Variants in BCAS4 observed in about 807,000 individuals in gnomAD.
The protein encoded by BCAS4 is breast carcinoma amplified sequence 4.
A neutral mutation model predicts 15.7 loss-of-function variants in BCAS4; 9 were observed. That is an observed-to-expected ratio of 0.57 (90% CI 0.34 to 1.00). BCAS4 has a LOEUF of 1.00. Ranked by LOEUF, BCAS4 falls within the 50% of genes least tolerant of loss-of-function variation. The pLI is 0.02. For missense variants in BCAS4, 225 were observed against 239.1 expected, an observed-to-expected ratio of 0.94 and a Z score of 0.39; for synonymous variants, 101 against 99.5, an observed-to-expected ratio of 1.02 and a Z score of -0.09.
At chr20:50,871,064 G>A (rs892668877) in intron 4 of BCAS4, among the ~76,000 whole-genome samples, 1 of 152,230 alleles carries the variant, frequency 6.6e-6, no homozygotes, top group South Asian at 2.1e-4. Context: ...ATTCCCAGCC[G>A]GAGGGCGAGA....
At chr20:50,842,298 G>T (rs922902534) in intron 4 of BCAS4, among the ~76,000 whole-genome samples, 5 of 152,204 alleles carry the variant, frequency 3.3e-5, no homozygotes, top group African/African-American at 1.2e-4. Context: ...GGGGAAGGGG[G>T]ACGGGCGTCC....
chr20:50,846,016 A>C (rs1370446234), intron 4 of BCAS4, among the ~76,000 whole-genome samples: 2 of 152,146 alleles, frequency 1.3e-5, no homozygotes, highest in Non-Finnish European at 2.9e-5. Flanking sequence ...TTCCGACTGG[A>C]TCCTGGCCTC....
chr20:50,871,270 C>T lies in BCAS4; in HGVS notation c.400-5216C>T, dbSNP rs550399921. On this transcript the variant is annotated intron_variant, in intron 4 of 4. Transcript: ENST00000371608. ...GGACCCCTGAGACATAGCGACTCCT[C>T]CCTTGCAGGCTGCCATGATAGTCCA... Among the ~76,000 whole-genome samples the T allele has an allele frequency of 4.3e-3, 660 of 152,342 alleles. 6 individuals carry two copies. Among genetic ancestry groups the T allele is most frequent in the African/African-American group, 0.01 (434 of 41,580 alleles).
chr20:50,875,342 C>T (rs543110119), intron 4 of BCAS4, among the ~76,000 whole-genome samples: 1 of 152,376 alleles, frequency 6.6e-6, no homozygotes, highest in South Asian at 2.1e-4. Flanking sequence ...CTCCCCTTCT[C>T]CGCCTCCCTC....
At chr20:50,866,635 G>A (rs1979372493) in intron 4 of BCAS4, among the ~76,000 whole-genome samples, 1 of 152,226 alleles carries the variant, frequency 6.6e-6, no homozygotes, top group South Asian at 2.1e-4. Context: ...GCCAGATCAG[G>A]CAACCCCTGA....
chr20:50,824,536 T>C (rs1268006628), intron 2 of BCAS4, among the ~76,000 whole-genome samples: 1 of 152,216 alleles, frequency 6.6e-6, no homozygotes, highest in Non-Finnish European at 1.5e-5. Context: ...GCTTTTTCAC[T>C]GAAATCTGTT....
At chr20:50,832,291 T>C (rs2088352998) in intron 3 of BCAS4, among the ~76,000 whole-genome samples, 1 of 151,692 alleles carries the variant, frequency 6.6e-6, no homozygotes, top group African/African-American at 2.4e-5. Context: ...GGAGTCTTGC[T>C]CTGTCCCCCA....
chr20:50,847,771 G>A (rs7262856), intron 4 of BCAS4, among the ~76,000 whole-genome samples: 2,440 of 152,204 alleles, frequency 0.016, 61 homozygotes, highest in African/African-American at 0.055. Context: ...GGTGGGACAC[G>A]GTGGCTCACG....
chr20:50,795,308 T>G, intron 1 of BCAS4, 135 bp downstream of exon 1: 1 of 816,088 alleles, frequency 1.2e-6, no homozygotes. Flanking sequence ...TCCTGAAGGG[T>G]GGCTGCGGGG....
At chr20:50,842,542 C>T (rs556261759) in intron 4 of BCAS4, among the ~76,000 whole-genome samples, 2 of 152,232 alleles carry the variant, frequency 1.3e-5, no homozygotes, top group South Asian at 4.1e-4. Flanking sequence ...CTCAGCCTCC[C>T]AGGTAGCTGG....
chr20:50,882,298 T>C, the BCAS4 span: 1 of 152,230 alleles, frequency 6.6e-6, no homozygotes, highest in East Asian at 1.9e-4. Context: ...GGTTAGTCAC[T>C]GCACAGTGAG....
In BCAS4 at chr20:50,854,442, C is replaced by T. The variant is rs186301214; in HGVS notation, c.399+12542C>T. ...TGAGTATTCACGTGAGGCAGGCACCCGGACGCTCTGCGCTGACCTCATTAC... is the reference window on the plus strand; with the variant it reads ...TGAGTATTCACGTGAGGCAGGCACCTGGACGCTCTGCGCTGACCTCATTAC... On this transcript the variant is annotated intron_variant, in intron 4 of 4. Transcript: ENST00000371608. 1.6e-3 allele frequency among the ~76,000 whole-genome samples: 246 copies of T among 152,180 alleles called. 1 individual carries two copies. The highest frequency in any genetic ancestry group is 5.4e-3 in the African/African-American group (226 of 41,498).
chr20:50,800,001 T>A (rs547059042), intron 1 of BCAS4, among the ~76,000 whole-genome samples: 1 of 152,150 alleles, frequency 6.6e-6, no homozygotes, highest in Non-Finnish European at 1.5e-5. Context: ...TGAGCTGAGA[T>A]CGCATCACTG....
At chr20:50,855,530 T>G (rs2123828076) in intron 4 of BCAS4, among the ~76,000 whole-genome samples, 1 of 152,006 alleles carries the variant, frequency 6.6e-6, no homozygotes, top group Admixed American at 6.5e-5. Flanking sequence ...CACCTGCATC[T>G]CTGGCTCCTC....
chr20:50,833,125 G>A (rs970244926), intron 3 of BCAS4: 8 of 152,512 alleles, frequency 5.2e-5, no homozygotes, highest in African/African-American at 1.7e-4. Context: ...TGGGAACCGT[G>A]TTAGGTGGGT....
At chr20:50,824,208 C>T (rs967478221) in intron 2 of BCAS4, among the ~76,000 whole-genome samples, 3 of 152,196 alleles carry the variant, frequency 2.0e-5, no homozygotes, top group Non-Finnish European at 4.4e-5. Flanking sequence ...GGCCTTCGGC[C>T]CACCTTCTGC....
chr20:50,797,739 C>T (rs1192595281), intron 1 of BCAS4, among the ~76,000 whole-genome samples: 1 of 151,686 alleles, frequency 6.6e-6, no homozygotes, highest in Non-Finnish European at 1.5e-5. Context: ...GATCTCGGCT[C>T]ACCGCAACCT....
intron 3 of BCAS4, among the ~76,000 whole-genome samples, chr20:50,831,698 T>C (rs1211176851): frequency 6.6e-6 from 1 of 152,164 alleles, no homozygotes; most frequent in East Asian, 1.9e-4. Context: ...CCAGCTCATA[T>C]GTGCCAGTGC....
chr20:50,846,108 C>T (rs1290481656), intron 4 of BCAS4, among the ~76,000 whole-genome samples: 1 of 152,254 alleles, frequency 6.6e-6, no homozygotes, highest in Non-Finnish European at 1.5e-5. Context: ...CCTTGGCACC[C>T]AGCCACAAAA....
Sources: gnomAD v4.1 joint callset for allele counts (sites outside exome capture counted in the v4.1 genomes callset) on GRCh38, gnomAD v4.1.1 for gene constraint, MANE v1.5 for transcripts, NCBI Gene and HGNC (gene_info 2026-07-23, HGNC 2026-07-21) for gene names.